Variants in E2F7 observed in about 807,000 individuals in gnomAD.
E2F7 encodes E2F transcription factor 7.
E2F7 carries 35 observed loss-of-function variants against 81.1 expected under a neutral mutation model. The ratio of observed to expected loss-of-function variants is 0.43; its 90% CI spans 0.33 to 0.57. The LOEUF (loss-of-function observed/expected upper bound fraction) is 0.57, where lower values mean the gene tolerates loss of function less well. Among genes scored for constraint, E2F7 ranks in the 20% least tolerant of loss-of-function variants. E2F7 has a pLI of 0.04. For missense variants in E2F7, 961 were observed against 1,093.7 expected, an observed-to-expected ratio of 0.88 and a Z score of 1.71; for synonymous variants, 416 against 416.2, an observed-to-expected ratio of 1.00 and a Z score of 0.01.
At position 77,034,042 on chromosome 12, in the gene E2F7, T is replaced by A. The variant is rs1417228368; in HGVS notation, c.1124A>T (p.Asp375Val). The stretch of plus-strand genomic sequence containing the variant: ...TGCAGAAACATCCACCAGTTCTTCA[T>A]CTACATAAACGAGAGAATTGGTAGT... The part of the protein sequence containing the change: ...WIGPVDFSSS[D>V]EELVDVSASV... The change falls in exon 8 of 13, where the codon GAT (aspartate) becomes GTT (valine). Residue 375 changes from aspartate (D) to valine (V), a missense_variant and splice_region_variant. By Grantham distance (152) the Asp-to-Val change is radical. This residue lies in a region of E2F7 where 301 missense variants were observed against 405.0 expected (regional missense o/e 0.74). Transcript: ENST00000322886. The A allele has an allele frequency of 6.2e-7, 1 of 1,611,488 alleles. No individual in the cohort carries two copies.
chr12:77,044,352 G>T, intron 6 of E2F7: 1 of 528,866 alleles, frequency 1.9e-6, no homozygotes. Flanking sequence ...ATACTAAAGA[G>T]AAATGCAAAA....
intron 3 of E2F7, among the ~76,000 whole-genome samples, chr12:77,054,820 C>T (rs147564223): frequency 1.3e-5 from 2 of 152,256 alleles, no homozygotes; most frequent in East Asian, 1.9e-4. Flanking sequence ...ACAAAAGGCA[C>T]ATTTAATCTT....
At chr12:77,044,553 T>A (rs527987982) in intron 6 of E2F7, 84 bp downstream of exon 6, 29 of 1,503,722 alleles carry the variant, frequency 1.9e-5, no homozygotes, top group Middle Eastern at 1.8e-4. Flanking sequence ...ATATATATAT[T>A]TTTAATCTTG....
At chr12:77,051,201 A>G (rs1954984926) in intron 3 of E2F7, among the ~76,000 whole-genome samples, 1 of 152,166 alleles carries the variant, frequency 6.6e-6, no homozygotes, top group Non-Finnish European at 1.5e-5. Context: ...ATATTTTACA[A>G]TCGACCAAAG....
intron 11 of E2F7, among the ~76,000 whole-genome samples, chr12:77,027,208 G>A (rs1462657905): frequency 6.6e-6 from 1 of 152,184 alleles, no homozygotes; most frequent in Non-Finnish European, 1.5e-5. Flanking sequence ...AGATATCTTT[G>A]CATCAAGAGC....
In E2F7 at chr12:77,030,005, C is replaced by T. The variant is rs575440223; in HGVS notation, c.1710G>A (p.Gly570=). 6.2e-7 allele frequency: 1 copy of T among 1,614,196 alleles called. No homozygotes were observed. Among genetic ancestry groups the T allele is most frequent in the African/African-American group, 1.3e-5 (1 of 75,038 alleles). ...CTGAGCTTCTGTCATCCCTCTCTGACCCTGACCCTGACGCTGGTCCCTCCT... is the reference window on the plus strand; with the variant it reads ...CTGAGCTTCTGTCATCCCTCTCTGATCCTGACCCTGACGCTGGTCCCTCCT... ...SLQEGPASGS[G]SERDDRSSEA... Residue 570 remains glycine (G), a synonymous_variant, in exon 10 of 13, where the codon GGG becomes GGA. Coordinates refer to ENST00000322886, the MANE Select transcript of E2F7 (RefSeq NM_203394.3).
intron 7 of E2F7, 81 bp downstream of exon 7, chr12:77,042,984 C>T (rs553206342): frequency 6.3e-7 from 1 of 1,598,768 alleles, no homozygotes; most frequent in East Asian, 2.2e-5. Context: ...ATCAGTCTCA[C>T]TGTGTAGTAG....
At position 77,050,739 on chromosome 12, in the gene E2F7, A is replaced by C. The variant is rs1005237728; in HGVS notation, c.375T>G (p.Asp125Glu). 1 of 1,612,850 alleles carries C rather than the reference A, an allele frequency of 6.2e-7. No individual in the cohort carries two copies. Among genetic ancestry groups the C allele is most frequent in the Non-Finnish European group, 8.5e-7 (1 of 1,179,452 alleles). The change falls in exon 4 of 13, where the codon GAT becomes GAG. Residue 125 changes from aspartate (D) to glutamate (E), a missense_variant. Asp to Glu is a conservative substitution (Grantham distance 45). Coordinates refer to ENST00000322886, the MANE Select transcript of E2F7 (RefSeq NM_203394.3). ...DDAFTDSLQL[D>E]VVGDSAVDEF... is the part of the protein sequence containing the mutation. ...CGTCCACAGCACTGTCCCCAACAAC[A>C]TCAAGCTACAGAGGGCAGATAGAAG...
intron 2 of E2F7, among the ~76,000 whole-genome samples, chr12:77,057,383 A>AT (rs1327325450): frequency 6.6e-6 from 1 of 151,764 alleles, no homozygotes; most frequent in African/African-American, 2.4e-5. Flanking sequence ...GCCTTTTTTA[A>AT]TTTTTTGTAG....
At chr12:77,032,485 C>T (rs1379739474) in intron 9 of E2F7, among the ~76,000 whole-genome samples, 2 of 152,164 alleles carry the variant, frequency 1.3e-5, no homozygotes, top group Non-Finnish European at 2.9e-5. Flanking sequence ...TCTGGTGACA[C>T]ATGATTTCTT....
chr12:77,055,163 T>C (rs1019454459), intron 3 of E2F7, among the ~76,000 whole-genome samples: 2 of 152,226 alleles, frequency 1.3e-5, no homozygotes, highest in African/African-American at 4.8e-5. Flanking sequence ...ACAGATTAAA[T>C]TCATTCTGTT....
Position 77,043,120 on chromosome 12 carries a change from C to T in E2F7, c.1068G>A (p.Glu356=), listed in dbSNP as rs1019501469. The change falls in exon 7 of 13, where the codon GAG becomes GAA. Residue 356 remains glutamate (E), a synonymous_variant. Transcript: ENST00000322886. The stretch of plus-strand genomic sequence containing the variant: ...ACTTGAAGGCTGGTTTACGACCTCG[C>T]TCTTCTGTTACATGCACTTTCTTTA... ...ALIKKVHVTE[E]RGRKPAFKWI... The T allele has an allele frequency of 1.2e-6, 2 of 1,614,064 alleles. No individual in the cohort carries two copies. Among genetic ancestry groups the T allele is most frequent in the African/African-American group, 1.3e-5 (1 of 74,932 alleles).
Position 77,034,768 on chromosome 12 carries a change from C to T in E2F7, c.1124-726G>A, listed in dbSNP as rs1369136097. On this transcript the variant is annotated intron_variant, in intron 7 of 12. Transcript: ENST00000322886. Reference sequence around the variant, plus strand: ...TGCTGATGTTTTTCTAAGCTCAAAGCATGCACATTTTAGTTAGAGGATTGA... The same window carrying T: ...TGCTGATGTTTTTCTAAGCTCAAAGTATGCACATTTTAGTTAGAGGATTGA... 4.6e-5 allele frequency among the ~76,000 whole-genome samples: 7 copies of T among 152,336 alleles called. No individual in the cohort carries two copies. The East Asian group carries it at 1.4e-3, about 29-fold the overall frequency.
chr12:77,032,074 C>T (rs1468762652), intron 9 of E2F7, among the ~76,000 whole-genome samples: 1 of 152,216 alleles, frequency 6.6e-6, no homozygotes, highest in Non-Finnish European at 1.5e-5. Context: ...TTCTTTCCAC[C>T]TCTGGTGAGC....
chr12:77,027,770 A>C, intron 11 of E2F7, 113 bp downstream of exon 11: 1 of 1,410,182 alleles, frequency 7.1e-7, no homozygotes, highest in Non-Finnish European at 9.6e-7. Context: ...GAGTAAAATG[A>C]CTCAGGCACA....
chr12:77,062,887 T>TAAAA lies in E2F7; in HGVS notation c.93+1652_93+1655dup, dbSNP rs200772361. 2.1e-3 allele frequency among the ~76,000 whole-genome samples: 277 copies of TAAAA among 131,890 alleles called. 4 individuals are homozygous for TAAAA. Among genetic ancestry groups the TAAAA allele is most frequent in the African/African-American group, 7.7e-3 (268 of 35,002 alleles). 86.5% of individuals were successfully genotyped at this position (131,890 alleles called of 152,430 possible). A position where few individuals can be genotyped will look rare whatever the true frequency, so the allele number is the denominator to read the frequency against. On this transcript the variant is annotated intron_variant, in intron 2 of 12. Coordinates refer to ENST00000322886, the MANE Select transcript of E2F7 (RefSeq NM_203394.3). ...TTTCCACCCTCATGACTTAGATAAT[T>TAAAA]AAAAAAAAAAAAAAAAGGCCACTTT...
rs891310234 is a variant in E2F7, at chr12:77,033,751, C to A, written c.1309+106G>T. 2.1e-5 allele frequency: 25 copies of A among 1,189,880 alleles called. No individual in the cohort carries two copies. The African/African-American group carries it at 3.6e-4, about 17-fold the overall frequency. 73.7% of individuals were successfully genotyped at this position (1,189,880 alleles called of 1,614,324 possible). A position where few individuals can be genotyped will look rare whatever the true frequency, so the allele number is the denominator to read the frequency against. On this transcript the variant is annotated intron_variant, in intron 8 of 12. Transcript: ENST00000322886. ...AGACCACTGGAAAAAACAGCCAGGG[C>A]TGAGAGTCAGTTTGTTTTAAAACGC...
At chr12:77,041,190 T>C (rs1019871622) in intron 7 of E2F7, among the ~76,000 whole-genome samples, 2 of 152,166 alleles carry the variant, frequency 1.3e-5, no homozygotes, top group Non-Finnish European at 2.9e-5. Flanking sequence ...CTTCCAGCTA[T>C]CTTACTTTCT....
At chr12:77,041,170 A>G (rs2120682430) in intron 7 of E2F7, among the ~76,000 whole-genome samples, 1 of 152,278 alleles carries the variant, frequency 6.6e-6, no homozygotes, top group Admixed American at 6.5e-5. Context: ...ACTTCTCAAC[A>G]GCCGCTCATC....
Sources: allele counts gnomAD v4.1 joint callset (sites outside exome capture counted in the v4.1 genomes callset), GRCh38; gene constraint gnomAD v4.1.1; regional missense constraint gnomAD v4.1.1; transcripts MANE v1.5; gene names NCBI Gene and HGNC (gene_info 2026-07-23, HGNC 2026-07-21).